Variants in YPEL1 observed in about 807,000 individuals in gnomAD.
YPEL1 encodes yippee like 1, also known as protein yippee-like 1.
In YPEL1, 7 loss-of-function variants were observed where a neutral mutation model predicts 17.3. The ratio of observed to expected loss-of-function variants is 0.40; its 90% CI spans 0.23 to 0.76. The LOEUF (loss-of-function observed/expected upper bound fraction) is 0.76. Ranked by LOEUF, YPEL1 falls within the 30% of genes least tolerant of loss-of-function variation. The pLI is 0.35. For missense variants in YPEL1, 91 were observed against 155.5 expected, an observed-to-expected ratio of 0.59 and a Z score of 2.21; for synonymous variants, 59 against 59.6, an observed-to-expected ratio of 0.99 and a Z score of 0.05.
At position 21,698,529 on chromosome 22, in the gene YPEL1, T is replaced by C. The variant is rs1470834855; in HGVS notation, c.*2600A>G. The C allele has an allele frequency of 1.3e-5, 2 of 152,350 alleles. No individual in the cohort carries two copies. The highest frequency in any genetic ancestry group is 2.9e-5 in the Non-Finnish European group (2 of 68,044). The allele number at this position is 152,350 out of a possible 1,614,324, so 9.4% of individuals were successfully genotyped here. A position where few individuals can be genotyped will look rare whatever the true frequency, so the allele number is the denominator to read the frequency against. On this transcript the variant is annotated 3_prime_UTR_variant, in exon 5 of 5. Coordinates refer to ENST00000339468, the MANE Select transcript of YPEL1 (RefSeq NM_013313.5). ...TGGCAGGCTGGGGACGGCACGAACC[T>C]CCAACTGTTTCCCCTAGTCCCCGGG... is the stretch of plus-strand genomic sequence containing the variant.
At chr22:21,715,313 T>C (rs1177442004) in intron 1 of YPEL1, among the ~76,000 whole-genome samples, 1 of 151,832 alleles carries the variant, frequency 6.6e-6, no homozygotes, top group Non-Finnish European at 1.5e-5. Context: ...GCCAACATGG[T>C]GAAAACCCCG....
intron 2 of YPEL1, among the ~76,000 whole-genome samples, chr22:21,708,004 G>A (rs531563243): frequency 2.5e-4 from 38 of 152,258 alleles, no homozygotes; most frequent in African/African-American, 8.4e-4. Context: ...GCAGCAACAG[G>A]CTCCCTCGAG....
intron 1 of YPEL1, among the ~76,000 whole-genome samples, chr22:21,713,002 C>A (rs948700166): frequency 6.6e-6 from 1 of 152,062 alleles, no homozygotes; most frequent in African/African-American, 2.4e-5. Flanking sequence ...CCCACAAGCA[C>A]GTGAAAAGGT....
intron 2 of YPEL1, among the ~76,000 whole-genome samples, chr22:21,706,206 A>C (rs573000979): frequency 3.3e-5 from 5 of 151,774 alleles, no homozygotes; most frequent in African/African-American, 1.2e-4. Flanking sequence ...TGAGGCAGGC[A>C]GATCACAAGT....
In YPEL1 at chr22:21,703,424, A is replaced by C; in HGVS notation, c.216T>G (p.His72Gln). 2 of 1,613,298 alleles carry C rather than the reference A, an allele frequency of 1.2e-6. No individual in the cohort carries two copies. The highest frequency in any genetic ancestry group is 2.2e-5 in the East Asian group (1 of 44,864). ...TCTCGCAGTAGATGTCGGCAACCGC[A>C]TGCAGCCCGGTGAGAAGGACCCTCT... Reference protein sequence around the residue: ...AEERVLLTGLHAVADIYCENC... With the variant: ...AEERVLLTGLQAVADIYCENC... The change falls in exon 4 of 5, where the codon CAT becomes CAG. Residue 72 changes from histidine to glutamine, a missense_variant. His to Gln is a conservative substitution (Grantham distance 24, BLOSUM62 0). Coordinates refer to ENST00000339468, the MANE Select transcript of YPEL1 (RefSeq NM_013313.5). The surrounding 1 kb of genome is among the most constrained non-coding windows in gnomAD (Gnocchi z 6.1).
intron 2 of YPEL1, among the ~76,000 whole-genome samples, chr22:21,705,403 A>G (rs912687701): frequency 2.6e-5 from 4 of 152,208 alleles, no homozygotes; most frequent in African/African-American, 9.7e-5. Flanking sequence ...ACGCTGTCAG[A>G]TTTTCATATC....
At chr22:21,734,793 T>A (rs932112840) in intron 1 of YPEL1, among the ~76,000 whole-genome samples, 1 of 152,158 alleles carries the variant, frequency 6.6e-6, no homozygotes, top group Admixed American at 6.5e-5. Flanking sequence ...GTCTCCCCAG[T>A]GGTGGTAAAC....
At chr22:21,721,795 G>A (rs747024411) in intron 1 of YPEL1, among the ~76,000 whole-genome samples, 7 of 151,898 alleles carry the variant, frequency 4.6e-5, no homozygotes, top group African/African-American at 9.7e-5. Context: ...GTAGACTCTC[G>A]GTACAATGGA....
chr22:21,699,872 A>G lies in YPEL1; in HGVS notation c.*1257T>C, dbSNP rs2068047225. ...AGCTGCTGTCACTGCTGAGGGCACA[A>G]CCCCTGGTACCAGACCCTGTGAGGC... is the stretch of plus-strand genomic sequence containing the variant. On this transcript the variant is annotated 3_prime_UTR_variant, in exon 5 of 5. Coordinates refer to ENST00000339468, the MANE Select transcript of YPEL1 (RefSeq NM_013313.5). 6.6e-6 allele frequency: 1 copy of G among 152,486 alleles called. No individual in the cohort carries two copies. Among genetic ancestry groups the G allele is most frequent in the African/African-American group, 2.4e-5 (1 of 41,426 alleles). 9.4% of individuals were successfully genotyped at this position (152,486 alleles called of 1,614,324 possible).
intron 1 of YPEL1, among the ~76,000 whole-genome samples, chr22:21,722,476 C>G (rs1426841462): frequency 6.6e-6 from 1 of 151,822 alleles, no homozygotes; most frequent in Non-Finnish European, 1.5e-5. Context: ...AATAGCCAGG[C>G]ATGGTGGTGC....
In YPEL1 at chr22:21,717,672, A is replaced by G. The variant is rs552215995; in HGVS notation, c.-164-6764T>C. 3.3e-5 allele frequency among the ~76,000 whole-genome samples: 5 copies of G among 152,366 alleles called. No homozygotes were observed. In the South Asian group the frequency reaches 1.0e-3, roughly 32 times the overall value. On this transcript the variant is annotated intron_variant, in intron 1 of 4. Transcript: ENST00000339468. The stretch of plus-strand genomic sequence containing the variant: ...AAACACCAAAGATAAAGGGGAAAAA[A>G]GTCTTAAAAGTGTCCAGAGGAAGGA...
At chr22:21,716,421 G>A (rs550461169) in intron 1 of YPEL1, among the ~76,000 whole-genome samples, 3 of 152,378 alleles carry the variant, frequency 2.0e-5, no homozygotes, top group African/African-American at 7.2e-5. Context: ...AGAAACCAGA[G>A]AGGCGAGCCA....
chr22:21,729,259 C>T (rs2068365238), intron 1 of YPEL1, among the ~76,000 whole-genome samples: 1 of 151,464 alleles, frequency 6.6e-6, no homozygotes, highest in African/African-American at 2.4e-5. Flanking sequence ...TGCAGTGAGC[C>T]GAGATCACAC....
rs761347941 is a variant in YPEL1 at position 21,701,728 on chromosome 22, G to A, written c.271-510C>T. Among the ~76,000 whole-genome samples the A allele has an allele frequency of 9.8e-5, 15 of 152,356 alleles. No homozygotes were observed. The East Asian group carries it at 1.5e-3, about 16-fold the overall frequency. ...TCCAGGAATTCCGTGCATAACTAGC[G>A]TGAAGGCAAATACAGGGAGAGTGAC... On this transcript the variant is annotated intron_variant, in intron 4 of 4. Transcript: ENST00000339468.
At chr22:21,715,761 CTTTTTT>C (rs746097162) in intron 1 of YPEL1, among the ~76,000 whole-genome samples, 1 of 85,778 alleles carries the variant, frequency 1.2e-5, no homozygotes, top group African/African-American at 4.2e-5. Flanking sequence ...TTTTTCTTTT[CTTTTTT>C]TTTTTTTTTT....
In YPEL1 at chr22:21,715,705, C is replaced by A. The variant is rs970428421; in HGVS notation, c.-164-4797G>T. Among the ~76,000 whole-genome samples the A allele has an allele frequency of 1.1e-3, 129 of 114,580 alleles. 20 individuals are homozygous for A. The highest frequency in any genetic ancestry group is 3.2e-3 in the South Asian group (12 of 3,698). 75.2% of individuals were successfully genotyped at this position (114,580 alleles called of 152,430 possible). ...CAAGTGATTCTCCTGCCTCAGCCTC[C>A]TGAGTAGCTGGGACTACTGGCACGT... On this transcript the variant is annotated intron_variant, in intron 1 of 4. Transcript: ENST00000339468.
intron 4 of YPEL1, among the ~76,000 whole-genome samples, chr22:21,702,840 G>C (rs146869362): frequency 2.0e-5 from 3 of 152,344 alleles, no homozygotes; most frequent in African/African-American, 7.2e-5. Flanking sequence ...GATCAGCCAT[G>C]TGGTGGAGAG....
At position 21,703,492 on chromosome 22, in the gene YPEL1, G is replaced by A. The variant is rs1225988534; in HGVS notation, c.162-14C>T. On this transcript the variant is annotated splice_polypyrimidine_tract_variant and intron_variant, in intron 3 of 4. Transcript: ENST00000339468. The surrounding 1 kb of genome is among the most constrained non-coding windows in gnomAD (Gnocchi z 6.1). ...CCCACGTTCACCCTGCGGGGACAGA[G>A]GGGCCACTGCGCTGCAGGCCCGGCC... 1.2e-6 allele frequency: 2 copies of A among 1,603,628 alleles called. No homozygotes were observed. Among genetic ancestry groups the A allele is most frequent in the Non-Finnish European group, 1.7e-6 (2 of 1,177,896 alleles).
At chr22:21,729,375 G>C (rs1311214496) in intron 1 of YPEL1, among the ~76,000 whole-genome samples, 1 of 151,586 alleles carries the variant, frequency 6.6e-6, no homozygotes, top group Admixed American at 6.6e-5. Flanking sequence ...GGGAGGCCAA[G>C]GTGGGAAGAT....
Sources: gnomAD v4.1 joint callset for allele counts (sites outside exome capture counted in the v4.1 genomes callset) on GRCh38, gnomAD v4.1.1 for gene constraint, Gnocchi (gnomAD v3.1) non-coding constraint, MANE v1.5 for transcripts, NCBI Gene and HGNC (gene_info 2026-07-23, HGNC 2026-07-21) for gene names.